FCER1A: variants seen among roughly 807,000 people sequenced by gnomAD.
FCER1A encodes the protein high affinity immunoglobulin epsilon receptor subunit alpha.
Under a neutral mutation model 23.6 loss-of-function variants are expected in FCER1A, and 24 were observed. That is an observed-to-expected ratio of 1.02 (90% CI 0.74 to 1.43). The LOEUF (loss-of-function observed/expected upper bound fraction) is 1.43, where lower values mean the gene tolerates loss of function less well. Ranked by LOEUF, FCER1A falls within the 40% of genes most tolerant of loss-of-function variation. The pLI, the probability that FCER1A is intolerant of heterozygous loss-of-function variation, is 0.00. For synonymous variants in FCER1A, 121 were observed against 108.8 expected (o/e 1.11, Z -0.70); for missense variants, 318 against 294.5 (o/e 1.08, Z -0.58).
rs138210256 is a variant in FCER1A, at chr1:159,304,175, C to T, written c.324C>T (p.Val108=). The T allele has an allele frequency of 3.3e-4, 526 of 1,613,378 alleles. 1 individual carries two copies. In the African/African-American group the frequency reaches 6.5e-3, roughly 20 times the overall value. Residue 108 remains valine, a synonymous_variant, in exon 3 of 5, where the codon GTC becomes GTT. Coordinates refer to ENST00000693622, the MANE Select transcript of FCER1A (RefSeq NM_001387280.1). ...VNESEPVYLE[V]FSDWLLLQAS... ...AGAGTGAACCTGTGTACCTGGAAGT[C>T]TTCAGTGGTAAGTTCCAGGGATATG... is the stretch of plus-strand genomic sequence containing the variant.
At chr1:159,295,298 A>G (rs1429232929) in intron 1 of FCER1A, among the ~76,000 whole-genome samples, 2 of 152,144 alleles carry the variant, frequency 1.3e-5, no homozygotes, top group African/African-American at 4.8e-5. Context: ...TCTGAACAAC[A>G]TAAAACCCTC....
intron 4 of FCER1A, among the ~76,000 whole-genome samples, 180 bp from the exon 5 acceptor site, chr1:159,307,568 C>T (rs1652652560): frequency 6.6e-6 from 1 of 152,134 alleles, no homozygotes; most frequent in Non-Finnish European, 1.5e-5. Context: ...CAGGGAGCAC[C>T]AACAGAGCAA....
chr1:159,297,258 G>C (rs1407525074), intron 1 of FCER1A, among the ~76,000 whole-genome samples: 1 of 152,088 alleles, frequency 6.6e-6, no homozygotes, highest in Non-Finnish European at 1.5e-5. Flanking sequence ...GTGTGGGTGT[G>C]GTTATGTGTG....
rs763710080 is a variant in FCER1A, at chr1:159,306,037, C to T, written c.381C>T (p.Pro127=). 1.1e-5 allele frequency: 17 copies of T among 1,613,886 alleles called. No homozygotes were observed. Among genetic ancestry groups the T allele is most frequent in the Middle Eastern group, 1.6e-4 (1 of 6,076 alleles). ...CTGAGGTGGTGATGGAGGGCCAGCC[C>T]CTCTTCCTCAGGTGCCATGGTTGGA... ...ASAEVVMEGQ[P]LFLRCHGWRN... The change falls in exon 4 of 5, where the codon CCC becomes CCT. Residue 127 remains proline, a synonymous_variant. Transcript: ENST00000693622.
upstream of FCER1A, among the ~76,000 whole-genome samples, chr1:159,299,118 T>C (rs1187044503): frequency 6.6e-6 from 1 of 152,188 alleles, no homozygotes; most frequent in Non-Finnish European, 1.5e-5. Flanking sequence ...CTTAACTACA[T>C]AGAGTTGGTA....
At chr1:159,303,564 A>C (rs566240518) in intron 2 of FCER1A, among the ~76,000 whole-genome samples, 1 of 152,224 alleles carries the variant, frequency 6.6e-6, no homozygotes, top group Non-Finnish European at 1.5e-5. Context: ...TAATGTAACA[A>C]TGGTTGAACA....
At chr1:159,284,715 A>C (rs1466986607), upstream of FCER1A, among the ~76,000 whole-genome samples, 1 of 152,128 alleles carries the variant, frequency 6.6e-6, no homozygotes, top group East Asian at 1.9e-4. Flanking sequence ...GTCTATATAC[A>C]CATGTATTTA....
At chr1:159,284,099 A>T in the FCER1A span, among the ~76,000 whole-genome samples, 1 of 152,208 alleles carries the variant, frequency 6.6e-6, no homozygotes, top group Non-Finnish European at 1.5e-5. Context: ...TAAGTTTCTC[A>T]GTATTGGAGA....
At chr1:159,303,502 C>T (rs1401184952) in intron 2 of FCER1A, among the ~76,000 whole-genome samples, 1 of 152,106 alleles carries the variant, frequency 6.6e-6, no homozygotes, top group East Asian at 1.9e-4. Flanking sequence ...TTCATCCAGT[C>T]CAGTAAATTT....
intron 1 of FCER1A, among the ~76,000 whole-genome samples, chr1:159,295,843 A>T (rs980705788): frequency 2.0e-5 from 3 of 152,302 alleles, no homozygotes; most frequent in Non-Finnish European, 4.4e-5. Flanking sequence ...GTAAGGCATA[A>T]ACCTGTAACC....
At chr1:159,305,736 G>A (rs773226515) in intron 3 of FCER1A, among the ~76,000 whole-genome samples, 1 of 152,116 alleles carries the variant, frequency 6.6e-6, no homozygotes, top group Non-Finnish European at 1.5e-5. Flanking sequence ...TCCATGTATG[G>A]ACTCATCAGG....
At chr1:159,305,092 T>C (rs531124822) in intron 3 of FCER1A, among the ~76,000 whole-genome samples, 2 of 152,264 alleles carry the variant, frequency 1.3e-5, no homozygotes, top group East Asian at 1.9e-4. Flanking sequence ...CCAATAGGTC[T>C]CTTTTATACT....
intron 1 of FCER1A, among the ~76,000 whole-genome samples, chr1:159,293,309 T>A (rs542020778): frequency 9.9e-5 from 15 of 152,150 alleles, no homozygotes; most frequent in Admixed American, 8.5e-4. Flanking sequence ...GGCCCCTATG[T>A]GTATCTCCAA....
At chr1:159,291,291 G>A (rs1290587674) in intron 1 of FCER1A, among the ~76,000 whole-genome samples, 2 of 152,108 alleles carry the variant, frequency 1.3e-5, no homozygotes, top group Non-Finnish European at 2.9e-5. Context: ...ACCTTTGAAA[G>A]TGATCAAGTC....
upstream of FCER1A, among the ~76,000 whole-genome samples, chr1:159,287,761 T>C (rs1652054719): frequency 6.7e-6 from 1 of 148,200 alleles, no homozygotes; most frequent in Admixed American, 6.8e-5. Flanking sequence ...TGTATGTATA[T>C]TTATATATAA....
intron 2 of FCER1A, among the ~76,000 whole-genome samples, chr1:159,303,653 TG>T (rs1433293566): frequency 6.6e-6 from 1 of 152,112 alleles, no homozygotes; most frequent in Non-Finnish European, 1.5e-5. Context: ...AGAAGTAGAG[TG>T]AGTCAGCTCA....
chr1:159,294,581 G>T (rs960334729), intron 1 of FCER1A, among the ~76,000 whole-genome samples: 14 of 151,948 alleles, frequency 9.2e-5, no homozygotes, highest in African/African-American at 3.4e-4. Context: ...TTTATTTTCT[G>T]TTTTCTCCAA....
chr1:159,296,238 T>C (rs374035432), intron 1 of FCER1A, among the ~76,000 whole-genome samples: 1 of 152,178 alleles, frequency 6.6e-6, no homozygotes, highest in Non-Finnish European at 1.5e-5. Flanking sequence ...TTAAACTGTT[T>C]AAGTTTCAGG....
At position 159,307,870 on chromosome 1, in the gene FCER1A, A is replaced by G; in HGVS notation, c.712A>G (p.Arg238Gly). The G allele has an allele frequency of 6.2e-7, 1 of 1,613,766 alleles. No homozygotes were observed. Among genetic ancestry groups the G allele is most frequent in the Non-Finnish European group, 8.5e-7 (1 of 1,179,724 alleles). ...GGTCACATTTCTCTTGAAGATTAAG[A>G]GAACCAGGAAAGGCTTCAGACTTCT... Reference protein sequence around the residue: ...QQVTFLLKIKRTRKGFRLLNP... With the variant: ...QQVTFLLKIKGTRKGFRLLNP... The change falls in exon 5 of 5, where the codon AGA becomes GGA. Residue 238 changes from arginine (R) to glycine (G), a missense_variant. Transcript: ENST00000693622.
Sources: gnomAD v4.1 joint callset for allele counts (sites outside exome capture counted in the v4.1 genomes callset) on GRCh38, gnomAD v4.1.1 for gene constraint, MANE v1.5 for transcripts, NCBI Gene and HGNC (gene_info 2026-07-23, HGNC 2026-07-21) for gene names.